Variants in SLCO2B1 observed in about 807,000 individuals in gnomAD.
SLCO2B1 encodes OATP-RP2.
A neutral mutation model predicts 67.3 loss-of-function variants in SLCO2B1; 41 were observed. The ratio of observed to expected loss-of-function variants is 0.61; its 90% CI spans 0.47 to 0.79. The LOEUF (loss-of-function observed/expected upper bound fraction) is 0.79, where lower values mean the gene tolerates loss of function less well. Ranked by LOEUF, SLCO2B1 falls within the 30% of genes least tolerant of loss-of-function variation. The probability of loss-of-function intolerance (pLI) is 0.00; values close to 1 mark genes in which losing one functional copy is unlikely to be tolerated. For synonymous variants in SLCO2B1, 379 were observed against 381.4 expected (o/e 0.99, Z 0.07); for missense variants, 837 against 920.1 (o/e 0.91, Z 1.17).
chr11:75,153,353 C>A (rs912123273), intron 1 of SLCO2B1, among the ~76,000 whole-genome samples: 1 of 152,174 alleles, frequency 6.6e-6, no homozygotes, highest in African/African-American at 2.4e-5. Flanking sequence ...ACAGGTGGGG[C>A]GAGGGAAAGA....
At chr11:75,155,759 CG>C (rs1565530449) in intron 1 of SLCO2B1, among the ~76,000 whole-genome samples, 2 of 152,148 alleles carry the variant, frequency 1.3e-5, no homozygotes, top group Non-Finnish European at 1.5e-5. Flanking sequence ...CGAGGCCAGG[CG>C]TGAGCCAGGC....
chr11:75,160,627 C>T (rs1949807232), intron 1 of SLCO2B1, among the ~76,000 whole-genome samples: 2 of 152,230 alleles, frequency 1.3e-5, no homozygotes, highest in South Asian at 4.1e-4. Context: ...TGACACTCCT[C>T]TTCCCTAGGC....
chr11:75,164,005 A>G lies in SLCO2B1; in HGVS notation c.190A>G (p.Met64Val), dbSNP rs1356915639. 3 of 1,605,560 alleles carry G rather than the reference A, an allele frequency of 1.9e-6. No individual in the cohort carries two copies. The highest frequency in any genetic ancestry group is 1.1e-5 in the South Asian group (1 of 89,202). Reference sequence around the variant, plus strand: ...CAGCCTGCTGCAGCTGGCGCAGCTCATGATCTCCGGCTACCTAAAGAGCTC... The same window carrying G: ...CAGCCTGCTGCAGCTGGCGCAGCTCGTGATCTCCGGCTACCTAAAGAGCTC... ...CHSLLQLAQL[M>V]ISGYLKSSIS... Residue 64 changes from methionine to valine, a missense_variant, in exon 3 of 14, where the codon ATG (methionine) becomes GTG (valine). Transcript: ENST00000289575.
At chr11:75,183,464 A>T (rs1012965640) in intron 7 of SLCO2B1, among the ~76,000 whole-genome samples, 4 of 152,168 alleles carry the variant, frequency 2.6e-5, no homozygotes, top group Non-Finnish European at 5.9e-5. Flanking sequence ...CACCACAAAG[A>T]TGCCTCCTAA....
At chr11:75,190,852 T>C (rs1945012070) in intron 8 of SLCO2B1, among the ~76,000 whole-genome samples, 1 of 152,042 alleles carries the variant, frequency 6.6e-6, no homozygotes, top group South Asian at 2.1e-4. Flanking sequence ...GCTTGTCTGA[T>C]GGGGGAGACA....
intron 11 of SLCO2B1, chr11:75,202,208 AG>A (rs1945192291): frequency 6.6e-6 from 1 of 152,362 alleles, no homozygotes; most frequent in South Asian, 2.1e-4. Context: ...TGCAAATACC[AG>A]AAGACATGTA....
Position 75,168,452 on chromosome 11 carries a change from T to G in SLCO2B1, c.449-721T>G, listed in dbSNP as rs1055005811. Among the ~76,000 whole-genome samples the G allele has an allele frequency of 7.9e-5, 12 of 152,142 alleles. No individual in the cohort carries two copies. The South Asian group carries it at 1.0e-3, about 13-fold the overall frequency. On this transcript the variant is annotated intron_variant, in intron 4 of 13. Transcript: ENST00000289575. Reference sequence around the variant, plus strand: ...TCTACAGCCACATTTGGGATAATAATAGTGTGAGGGTCTCCTCAAGTTTGC... The same window carrying G: ...TCTACAGCCACATTTGGGATAATAAGAGTGTGAGGGTCTCCTCAAGTTTGC...
chr11:75,184,684 C>T (rs898363893), intron 7 of SLCO2B1, among the ~76,000 whole-genome samples: 1 of 152,192 alleles, frequency 6.6e-6, no homozygotes, highest in African/African-American at 2.4e-5. Flanking sequence ...AGTCAGCCTG[C>T]ATCCTGCCAC....
Position 75,175,939 on chromosome 11 carries a change from G to T in SLCO2B1, c.972+3370G>T, listed in dbSNP as rs900075373. 3.3e-5 allele frequency among the ~76,000 whole-genome samples: 5 copies of T among 152,132 alleles called. No homozygotes were observed. The East Asian group carries it at 7.7e-4, about 23-fold the overall frequency. ...ATGGGATTGGGGGAGGCCATGCAGG[G>T]AATGGGAGGGGACAGGAGCCCTACT... On this transcript the variant is annotated intron_variant, in intron 7 of 13. Coordinates refer to ENST00000289575, the MANE Select transcript of SLCO2B1 (RefSeq NM_007256.5).
At chr11:75,164,946 C>A (rs1036523012) in intron 3 of SLCO2B1, among the ~76,000 whole-genome samples, 10 of 152,120 alleles carry the variant, frequency 6.6e-5, no homozygotes, top group African/African-American at 2.4e-4. Context: ...GGTCAGCCAT[C>A]CCCTGGCTCC....
chr11:75,192,749 A>G (rs1053540345), intron 8 of SLCO2B1, among the ~76,000 whole-genome samples: 3 of 152,222 alleles, frequency 2.0e-5, no homozygotes, highest in African/African-American at 7.2e-5. Flanking sequence ...AATTTCAAAA[A>G]TGAACTGGAA....
chr11:75,162,878 G>T lies in SLCO2B1; in HGVS notation c.147+93G>T. 5.6e-6 allele frequency: 8 copies of T among 1,425,298 alleles called. 1 individual carries two copies. Among genetic ancestry groups the T allele is most frequent in the Non-Finnish European group, 7.6e-6 (8 of 1,048,932 alleles). 88.3% of individuals were successfully genotyped at this position (1,425,298 alleles called of 1,614,324 possible). A position where few individuals can be genotyped will look rare whatever the true frequency, so the allele number is the denominator to read the frequency against. On this transcript the variant is annotated intron_variant, in intron 2 of 13. Transcript: ENST00000289575. Reference sequence around the variant, plus strand: ...TAATGCCAAGGAAGACTTTCTCTGAGCCTCGGTTTCCTCATCTATAGAATG... The same window carrying T: ...TAATGCCAAGGAAGACTTTCTCTGATCCTCGGTTTCCTCATCTATAGAATG...
In SLCO2B1 at chr11:75,200,309, T is replaced by C. The variant is rs1260809523; in HGVS notation, c.1685T>C (p.Val562Ala). 2.5e-6 allele frequency: 4 copies of C among 1,613,846 alleles called. No homozygotes were observed. The Admixed American group carries it at 6.7e-5, about 27-fold the overall frequency. ...GACTCAACGTGCAGCCATCTGGTGG[T>C]GCCCTTCCTGCTCCTGGTCAGCCTG... ...SCDSTCSHLV[V>A]PFLLLVSLGS... is the part of the protein sequence containing the mutation. The change falls in exon 11 of 14, where the codon GTG becomes GCG. Residue 562 changes from valine to alanine, a missense_variant. Transcript: ENST00000289575.
At position 75,166,014 on chromosome 11, in the gene SLCO2B1, C is replaced by A. The variant is rs537341135; in HGVS notation, c.448+65C>A. 29 of 1,529,442 alleles carry A rather than the reference C, an allele frequency of 1.9e-5. No homozygotes were observed. In the South Asian group the frequency reaches 3.1e-4, roughly 16 times the overall value. 94.7% of individuals were successfully genotyped at this position (1,529,442 alleles called of 1,614,324 possible). On this transcript the variant is annotated intron_variant, in intron 4 of 13. Coordinates refer to ENST00000289575, the MANE Select transcript of SLCO2B1 (RefSeq NM_007256.5). ...CTCTGCATTGCTTTGCGCTGGGGCCCACCCCACAGGCATTCATCTGGCAGG... is the reference window on the plus strand; with the variant it reads ...CTCTGCATTGCTTTGCGCTGGGGCCAACCCCACAGGCATTCATCTGGCAGG...
chr11:75,199,548 G>A (rs1030908050), intron 10 of SLCO2B1: 1 of 152,306 alleles, frequency 6.6e-6, no homozygotes, highest in Non-Finnish European at 1.5e-5. Context: ...TTTTCACACT[G>A]GGAAGTGTCT....
At chr11:75,203,535 T>G in intron 13 of SLCO2B1, 108 bp downstream of exon 13, 1 of 1,401,322 alleles carries the variant, frequency 7.1e-7, no homozygotes, top group Non-Finnish European at 9.9e-7. Context: ...ACCTGCTAGG[T>G]GACAGGTGTC....
rs569988362 is a variant in SLCO2B1 at position 75,160,785 on chromosome 11, T to G, written c.17-1870T>G. ...TTCCTCAACCTGTTTGTATAGACATTTCTCCAAAGCAAGATATACAAATGG... is the reference window on the plus strand; with the variant it reads ...TTCCTCAACCTGTTTGTATAGACATGTCTCCAAAGCAAGATATACAAATGG... On this transcript the variant is annotated intron_variant, in intron 1 of 13. Coordinates refer to ENST00000289575, the MANE Select transcript of SLCO2B1 (RefSeq NM_007256.5). Among the ~76,000 whole-genome samples the G allele has an allele frequency of 3.3e-5, 5 of 152,336 alleles. No individual in the cohort carries two copies. The South Asian group carries it at 1.0e-3, about 32-fold the overall frequency.
At chr11:75,173,308 G>A (rs1294665794) in intron 7 of SLCO2B1, among the ~76,000 whole-genome samples, 1 of 152,210 alleles carries the variant, frequency 6.6e-6, no homozygotes, top group East Asian at 1.9e-4. Context: ...AAGGATTTGT[G>A]GAAGCACAGA....
At chr11:75,160,896 A>G (rs1949812013) in intron 1 of SLCO2B1, among the ~76,000 whole-genome samples, 2 of 152,212 alleles carry the variant, frequency 1.3e-5, no homozygotes, top group Admixed American at 1.3e-4. Flanking sequence ...CCTCTACCCT[A>G]TGAGGATGGC....
Sources: allele counts gnomAD v4.1 joint callset (sites outside exome capture counted in the v4.1 genomes callset), GRCh38; gene constraint gnomAD v4.1.1; transcripts MANE v1.5; gene names NCBI Gene and HGNC (gene_info 2026-07-23, HGNC 2026-07-21).